The following RNF157 variants were observed in gnomAD, a reference collection of about 807,000 sequenced individuals.
RNF157 encodes E3 ubiquitin ligase RNF157.
A neutral mutation model predicts 88.3 loss-of-function variants in RNF157; 55 were observed. That is an observed-to-expected ratio of 0.62 (90% confidence interval 0.50 to 0.78). The LOEUF (loss-of-function observed/expected upper bound fraction) is 0.78. RNF157 is among the 30% of genes least tolerant of loss of function. The pLI, the probability that RNF157 is intolerant of heterozygous loss-of-function variation, is 0.00. For synonymous variants in RNF157, 334 were observed against 341.2 expected, an observed-to-expected ratio of 0.98 and a Z score of 0.23; for missense variants, 788 against 860.8, an observed-to-expected ratio of 0.92 and a Z score of 1.06.
At chr17:76,226,391 T>C (rs544362728) in intron 1 of RNF157, 406 of 1,589,870 alleles carry the variant, frequency 2.6e-4, no homozygotes, top group Non-Finnish European at 3.3e-4. Flanking sequence ...GCCAATTGGG[T>C]TCACCATCTG....
At chr17:76,158,921 C>T (rs1325573567) in intron 12 of RNF157, among the ~76,000 whole-genome samples, 2 of 152,032 alleles carry the variant, frequency 1.3e-5, no homozygotes, top group African/African-American at 4.8e-5. Flanking sequence ...TGTAAAATAC[C>T]CTCCCCTTTA....
chr17:76,154,407 T>A, intron 16 of RNF157, 79 bp from the exon 17 acceptor site: 1 of 920,244 alleles, frequency 1.1e-6, no homozygotes, highest in Non-Finnish European at 1.8e-6. Flanking sequence ...GAACTAATCA[T>A]CCTACTGGTA....
chr17:76,178,330 C>T (rs1438854844), intron 2 of RNF157, among the ~76,000 whole-genome samples: 2 of 152,250 alleles, frequency 1.3e-5, no homozygotes, highest in African/African-American at 4.8e-5. Flanking sequence ...TTGCAGTGCA[C>T]CTGGTCCAGC....
intron 18 of RNF157, among the ~76,000 whole-genome samples, chr17:76,148,931 G>A (rs1223911530): frequency 3.3e-5 from 5 of 152,204 alleles, no homozygotes; most frequent in East Asian, 3.9e-4. Context: ...CACTTGCCAC[G>A]ATGACTTTCC....
chr17:76,231,616 A>AC (rs2070194572), intron 1 of RNF157, among the ~76,000 whole-genome samples: 1 of 151,376 alleles, frequency 6.6e-6, no homozygotes, highest in Admixed American at 6.6e-5. Context: ...ATATAGTGAG[A>AC]CCCCATCTCC....
chr17:76,169,290 T>C (rs115879430), intron 3 of RNF157, among the ~76,000 whole-genome samples: 2,768 of 152,296 alleles, frequency 0.018, 81 homozygotes, highest in African/African-American at 0.062. Flanking sequence ...CTGTTTTTAA[T>C]TTCTAAAAGC....
At chr17:76,225,868 C>T (rs2070073958) in intron 1 of RNF157, 1 of 1,613,184 alleles carries the variant, frequency 6.2e-7, no homozygotes, top group Non-Finnish European at 8.5e-7. Context: ...TCTTCTTTTC[C>T]AGCTCTTTGC....
At chr17:76,155,155 G>A (rs764875177) in intron 16 of RNF157, 97 bp downstream of exon 16, 44 of 1,049,784 alleles carry the variant, frequency 4.2e-5, no homozygotes, top group East Asian at 2.6e-4. Context: ...CTTCGTCAGC[G>A]CAGCCTCCTG....
intron 2 of RNF157, among the ~76,000 whole-genome samples, chr17:76,178,728 T>C (rs903133416): frequency 6.6e-6 from 1 of 152,224 alleles, no homozygotes; most frequent in African/African-American, 2.4e-5. Context: ...GTCATGGTTG[T>C]TCCCATTTTT....
chr17:76,239,356 G>C (rs569231589), intron 1 of RNF157, among the ~76,000 whole-genome samples: 1 of 152,122 alleles, frequency 6.6e-6, no homozygotes, highest in African/African-American at 2.4e-5. Flanking sequence ...AGAGGCTAGA[G>C]ACATTTAAGT....
At chr17:76,202,276 A>G (rs1055368972) in intron 2 of RNF157, among the ~76,000 whole-genome samples, 3 of 152,170 alleles carry the variant, frequency 2.0e-5, no homozygotes, top group Admixed American at 6.5e-5. Flanking sequence ...CTCCAAGTCC[A>G]AGGCACAAAT....
At chr17:76,210,457 G>A (rs551502447) in intron 2 of RNF157, among the ~76,000 whole-genome samples, 14 of 151,242 alleles carry the variant, frequency 9.3e-5, no homozygotes, top group African/African-American at 2.9e-4. Context: ...GGGTGTAGTG[G>A]CGGGTGCCTG....
At chr17:76,200,336 C>G (rs1399762706) in intron 2 of RNF157, among the ~76,000 whole-genome samples, 1 of 152,132 alleles carries the variant, frequency 6.6e-6, no homozygotes, top group African/African-American at 2.4e-5. Flanking sequence ...AAGTGTCTGT[C>G]TATTGATGGA....
At chr17:76,148,755 G>A (rs139400380) in intron 18 of RNF157, among the ~76,000 whole-genome samples, 2 of 151,916 alleles carry the variant, frequency 1.3e-5, no homozygotes, top group Admixed American at 1.3e-4. Context: ...ATTTTCTGTA[G>A]AGATGGGGTT....
At chr17:76,215,222 T>A (rs1448411848) in intron 1 of RNF157, among the ~76,000 whole-genome samples, 1 of 152,130 alleles carries the variant, frequency 6.6e-6, no homozygotes, top group African/African-American at 2.4e-5. Flanking sequence ...GGCAGGAGAA[T>A]TGCTTTAGGC....
chr17:76,227,865 G>A (rs948862792), intron 1 of RNF157, among the ~76,000 whole-genome samples: 1 of 151,984 alleles, frequency 6.6e-6, no homozygotes, highest in Admixed American at 6.6e-5. Flanking sequence ...CAACAAGAGC[G>A]AAACTCCATC....
intron 2 of RNF157, among the ~76,000 whole-genome samples, chr17:76,201,314 T>C (rs558815364): frequency 9.6e-4 from 117 of 121,686 alleles, no homozygotes; most frequent in Non-Finnish European, 1.4e-3. Context: ...AGTGAGACCC[T>C]AGTCTCTACA....
At chr17:76,225,933 C>T (rs1314643594) in intron 1 of RNF157, 7 of 1,612,930 alleles carry the variant, frequency 4.3e-6, no homozygotes, top group East Asian at 4.5e-5. Flanking sequence ...TACCTAGTGG[C>T]TGCTGTCTTG....
chr17:76,197,180 C>T (rs1454686283), intron 2 of RNF157, among the ~76,000 whole-genome samples: 1 of 152,194 alleles, frequency 6.6e-6, no homozygotes, highest in Non-Finnish European at 1.5e-5. Flanking sequence ...ATGCTGCAGA[C>T]ATTCCCCTGT....
Sources: allele counts gnomAD v4.1 joint callset (sites outside exome capture counted in the v4.1 genomes callset), GRCh38; gene constraint gnomAD v4.1.1; transcripts MANE v1.5; gene names NCBI Gene and HGNC (gene_info 2026-07-23, HGNC 2026-07-21).